The following SDK1 variants were observed in gnomAD, a reference collection of about 807,000 sequenced individuals.
SDK1 encodes the protein protein sidekick-1.
SDK1 carries 157 observed loss-of-function variants against 245.5 expected under a neutral mutation model. That is an observed-to-expected ratio of 0.64 (90% CI 0.56 to 0.73). The LOEUF is 0.73. Ranked by LOEUF, SDK1 falls within the 30% of genes least tolerant of loss-of-function variation. SDK1 has a pLI of 0.00. For synonymous variants in SDK1, 1,647 were observed against 1,278.5 expected (o/e 1.29, Z -6.15); for missense variants, 3,583 against 3,002.3 (o/e 1.19, Z -4.52).
intron 4 of SDK1, among the ~76,000 whole-genome samples, chr7:3,795,147 TA>T (rs1210752689): frequency 1.3e-5 from 2 of 152,146 alleles, no homozygotes; most frequent in Non-Finnish European, 2.9e-5. Context: ...CAACTGACTC[TA>T]AAATCTTTTA....
intron 1 of SDK1, among the ~76,000 whole-genome samples, chr7:3,503,939 C>T (rs1782302891): frequency 1.3e-5 from 2 of 151,886 alleles, no homozygotes; most frequent in African/African-American, 4.8e-5. Flanking sequence ...ATCACGAGGT[C>T]AGGAGTTTGA....
chr7:3,868,988 T>A (rs933621137), intron 5 of SDK1, among the ~76,000 whole-genome samples: 2 of 152,134 alleles, frequency 1.3e-5, no homozygotes, highest in Admixed American at 6.5e-5. Context: ...AAGGGAAATA[T>A]GAAGTCAGCC....
chr7:3,729,012 G>A (rs1347114157), intron 4 of SDK1, among the ~76,000 whole-genome samples: 1 of 152,180 alleles, frequency 6.6e-6, no homozygotes, highest in African/African-American at 2.4e-5. Context: ...TGCCAACGGT[G>A]TCTCCTGACC....
intron 2 of SDK1, among the ~76,000 whole-genome samples, chr7:3,630,090 T>C (rs1221804890): frequency 1.3e-5 from 2 of 151,808 alleles, no homozygotes; most frequent in African/African-American, 4.8e-5. Flanking sequence ...AAAAGGCAGA[T>C]AGAAAAAAAA....
intron 5 of SDK1, among the ~76,000 whole-genome samples, chr7:3,919,832 G>A (rs62439581): frequency 0.049 from 7,392 of 152,202 alleles, 235 homozygotes; most frequent in Middle Eastern, 0.1. Context: ...CATACCTCAC[G>A]TCTCAGACAC....
At position 4,268,791 on chromosome 7, in the gene SDK1, A is replaced by C; in HGVS notation, c.*3407A>C. On this transcript the variant is annotated 3_prime_UTR_variant, in exon 45 of 45. Transcript: ENST00000404826. Reference sequence around the variant, plus strand: ...AAAGGTGAGGACAACGTGGAAACTCATGAGCTGAGCCTGCCCGCTGGGACA... The same window carrying C: ...AAAGGTGAGGACAACGTGGAAACTCCTGAGCTGAGCCTGCCCGCTGGGACA... The C allele has an allele frequency of 3.8e-4, 506 of 1,337,288 alleles. No individual in the cohort carries two copies. Among genetic ancestry groups the C allele is most frequent in the Non-Finnish European group, 4.7e-4 (466 of 994,228 alleles). The allele number at this position is 1,337,288 out of a possible 1,614,324, so 82.8% of individuals were successfully genotyped here. A position where few individuals can be genotyped will look rare whatever the true frequency, so the allele number is the denominator to read the frequency against.
At chr7:3,385,246 C>T (rs10278205) in intron 1 of SDK1, among the ~76,000 whole-genome samples, 71,896 of 151,842 alleles carry the variant, frequency 0.47, 18,789 homozygotes, top group East Asian at 0.61. Flanking sequence ...GTTGAAATAT[C>T]TATAGAAGAC....
intron 4 of SDK1, among the ~76,000 whole-genome samples, chr7:3,699,842 A>C (rs544707580): frequency 9.6e-4 from 146 of 152,318 alleles, no homozygotes; most frequent in African/African-American, 3.4e-3. Flanking sequence ...TAAAACACAT[A>C]ACCTTTCAAG....
At chr7:3,599,533 G>A (rs929949577) in intron 1 of SDK1, among the ~76,000 whole-genome samples, 1 of 152,134 alleles carries the variant, frequency 6.6e-6, no homozygotes, top group Non-Finnish European at 1.5e-5. Flanking sequence ...AGGTCTAAGA[G>A]TCTTTGCCTG....
intron 5 of SDK1, among the ~76,000 whole-genome samples, chr7:3,911,070 T>C (rs983497357): frequency 4.6e-5 from 7 of 152,170 alleles, no homozygotes; most frequent in Admixed American, 3.3e-4. Flanking sequence ...GCTCTCCATT[T>C]TGGGGGGACT....
chr7:3,662,989 T>C (rs1403080026), intron 4 of SDK1, among the ~76,000 whole-genome samples: 1 of 152,236 alleles, frequency 6.6e-6, no homozygotes, highest in Non-Finnish European at 1.5e-5. Flanking sequence ...ATTATGTATA[T>C]GCAAGTATGC....
At chr7:3,773,104 C>A (rs1780449003) in intron 4 of SDK1, among the ~76,000 whole-genome samples, 1 of 152,138 alleles carries the variant, frequency 6.6e-6, no homozygotes, top group Non-Finnish European at 1.5e-5. Context: ...GGGAAGTTTT[C>A]AGCCCTTATT....
chr7:3,890,466 T>C (rs1019615567), intron 5 of SDK1, among the ~76,000 whole-genome samples: 14 of 152,342 alleles, frequency 9.2e-5, no homozygotes, highest in Non-Finnish European at 1.5e-4. Flanking sequence ...CCTTTTTCTT[T>C]GTACTTTATT....
At chr7:3,928,049 A>T (rs1024069436) in intron 5 of SDK1, among the ~76,000 whole-genome samples, 7 of 152,186 alleles carry the variant, frequency 4.6e-5, no homozygotes, top group African/African-American at 1.4e-4. Flanking sequence ...TTATCTTTCC[A>T]TTTGCACCTT....
In SDK1 at chr7:3,431,324, G is replaced by A. The variant is rs185335794; in HGVS notation, c.298+129440G>A. ...ACCAAAGAGCTGTGATATGAAGAAAGACCCCGGGTAGAATCACTCTGAAAA... is the reference window on the plus strand; with the variant it reads ...ACCAAAGAGCTGTGATATGAAGAAAAACCCCGGGTAGAATCACTCTGAAAA... On this transcript the variant is annotated intron_variant, in intron 1 of 44. Transcript: ENST00000404826. Among the ~76,000 whole-genome samples the A allele has an allele frequency of 9.3e-3, 1,357 of 146,272 alleles. 18 individuals are homozygous for A. The highest frequency in any genetic ancestry group is 0.038 in the Admixed American group (558 of 14,760).
Position 3,612,249 on chromosome 7 carries a change from T to A in SDK1, c.299-6831T>A, listed in dbSNP as rs931363539. Among the ~76,000 whole-genome samples the A allele has an allele frequency of 4.6e-5, 7 of 152,252 alleles. No individual in the cohort carries two copies. The East Asian group carries it at 1.4e-3, about 29-fold the overall frequency. Reference sequence around the variant, plus strand: ...CCAAACACCTATGGAAATAAAAAAATTAAAAATCCTATCATAGGATCCTCT... The same window carrying A: ...CCAAACACCTATGGAAATAAAAAAAATAAAAATCCTATCATAGGATCCTCT... On this transcript the variant is annotated intron_variant, in intron 1 of 44. Transcript: ENST00000404826.
chr7:3,465,175 G>A (rs1780955921), intron 1 of SDK1, among the ~76,000 whole-genome samples: 1 of 152,274 alleles, frequency 6.6e-6, no homozygotes, highest in Admixed American at 6.5e-5. Context: ...GGGATTCTCA[G>A]GGTGAGCCCT....
chr7:3,997,988 G>A (rs559687873), intron 14 of SDK1, among the ~76,000 whole-genome samples: 1 of 152,372 alleles, frequency 6.6e-6, no homozygotes, highest in Non-Finnish European at 1.5e-5. Flanking sequence ...GTCCCCAAGA[G>A]TGCAAGAATG....
chr7:3,753,263 T>C (rs6975070), intron 4 of SDK1, among the ~76,000 whole-genome samples: 59,487 of 152,072 alleles, frequency 0.39, 13,609 homozygotes, highest in African/African-American at 0.64. Flanking sequence ...AACCTTATTT[T>C]TGAATTTCCC....
Sources: gnomAD v4.1 joint callset for allele counts (sites outside exome capture counted in the v4.1 genomes callset) on GRCh38, gnomAD v4.1.1 for gene constraint, MANE v1.5 for transcripts, NCBI Gene and HGNC (gene_info 2026-07-23, HGNC 2026-07-21) for gene names.